Variants in HIP1R observed in about 807,000 individuals in gnomAD.
HIP1R encodes the protein huntingtin-interacting protein 1-related protein.
HIP1R carries 135 observed loss-of-function variants against 144.2 expected under a neutral mutation model. That is an observed-to-expected ratio of 0.94 (90% CI 0.81 to 1.08). The LOEUF (loss-of-function observed/expected upper bound fraction) is 1.08, where lower values mean the gene tolerates loss of function less well. Ranked by LOEUF, HIP1R falls within the 50% of genes least tolerant of loss-of-function variation. The pLI is 0.00. For synonymous variants in HIP1R, 698 were observed against 612.8 expected (o/e 1.14, Z -2.05); for missense variants, 1,462 against 1,432.8 (o/e 1.02, Z -0.33).
intron 23 of HIP1R, 101 bp from the exon 24 acceptor site, chr12:122,859,671 G>A: frequency 7.0e-7 from 1 of 1,436,186 alleles, no homozygotes; most frequent in Non-Finnish European, 9.7e-7. Flanking sequence ...TTTTCCAGGG[G>A]CCTGTGAGGT....
chr12:122,854,836 A>C, intron 8 of HIP1R, 69 bp from the exon 9 acceptor site: 1 of 1,503,838 alleles, frequency 6.6e-7, no homozygotes, highest in East Asian at 2.3e-5. Flanking sequence ...ATACGGAGGA[A>C]CAAGGCAGGG....
rs750364643 is a variant in HIP1R, at chr12:122,860,999, G to T, written c.2850G>T (p.Val950=). The T allele has an allele frequency of 6.2e-7, 1 of 1,613,714 alleles. No homozygotes were observed. Among genetic ancestry groups the T allele is most frequent in the East Asian group, 2.2e-5 (1 of 44,854 alleles). The change falls in exon 29 of 32, where the codon GTG becomes GTT. Residue 950 remains valine (V), a synonymous_variant. Coordinates refer to ENST00000253083, the MANE Select transcript of HIP1R (RefSeq NM_003959.3). The part of the protein sequence containing the change: ...RTVNERAANV[V]ASTKSGQEQI... ...TCAATGAGAGGGCTGCCAATGTGGT[G>T]GCCTCCACCAAGTCAGGCCAGGAGC...
Position 122,860,708 on chromosome 12 carries a change from C to A in HIP1R, c.2690C>A (p.Thr897Lys). Residue 897 changes from threonine (T) to lysine (K), a missense_variant, in exon 28 of 32, where the codon ACG becomes AAG. Thr to Lys is a moderately conservative substitution (Grantham distance 78). Transcript: ENST00000253083. ...GCAGCTGACAAGGTGGTGCTTCACA[C>A]GGGCAAGTATGAGGAGCTCATCGTC... Reference protein sequence around the residue: ...VEAADKVVLHTGKYEELIVCS... With the variant: ...VEAADKVVLHKGKYEELIVCS... 1 of 1,613,370 alleles carries A rather than the reference C, an allele frequency of 6.2e-7. No individual in the cohort carries two copies. Among genetic ancestry groups the A allele is most frequent in the East Asian group, 2.2e-5 (1 of 44,870 alleles).
chr12:122,854,109 C>G lies in HIP1R; in HGVS notation c.644C>G (p.Pro215Arg). The change falls in exon 8 of 32, where the codon CCC (proline) becomes CGC (arginine). Residue 215 changes from proline to arginine, a missense_variant. Pro to Arg is a moderately radical substitution (Grantham distance 103). This residue lies in a region of HIP1R where 350 missense variants were observed against 421.1 expected (regional missense o/e 0.83). Transcript: ENST00000253083. ...TCCTCAGGCCAGTGCCGCCTGGCCC[C>G]CCTCATCCAGGTCATCCAGGACTGC... ...QMSSGQCRLAPLIQVIQDCSH... is the reference protein window; with the variant it reads ...QMSSGQCRLARLIQVIQDCSH... 6.2e-7 allele frequency: 1 copy of G among 1,613,914 alleles called. No individual in the cohort carries two copies. Among genetic ancestry groups the G allele is most frequent in the Non-Finnish European group, 8.5e-7 (1 of 1,179,896 alleles).
At chr12:122,838,801 C>T (rs1490243959) in intron 1 of HIP1R, among the ~76,000 whole-genome samples, 1 of 152,134 alleles carries the variant, frequency 6.6e-6, no homozygotes, top group African/African-American at 2.4e-5. Context: ...GAGAGGAGGT[C>T]GGACTGAGTC....
At position 122,848,948 on chromosome 12, in the gene HIP1R, G is replaced by T. The variant is rs370892888; in HGVS notation, c.357+96G>T. On this transcript the variant is annotated intron_variant, in intron 4 of 31. Transcript: ENST00000253083. ...TGGCTCCCTGTGGGCAGTTCCCTGC[G>T]GGTGGCTGGGTTTTCCCAGGGGCGA... 11 of 1,294,564 alleles carry T rather than the reference G, an allele frequency of 8.5e-6. No individual in the cohort carries two copies. The East Asian group carries it at 2.6e-4, about 30-fold the overall frequency. 80.2% of individuals were successfully genotyped at this position (1,294,564 alleles called of 1,614,324 possible).
chr12:122,861,684 C>A (rs200796411), intron 31 of HIP1R, 22 bp from the exon 32 acceptor site: 24 of 1,613,752 alleles, frequency 1.5e-5, no homozygotes, highest in Admixed American at 1.3e-4. Context: ...GACCACTGAC[C>A]CCCCACCTTT....
rs774816650 is a variant in HIP1R at position 122,849,933 on chromosome 12, C to T, written c.416C>T (p.Thr139Ile). ...AATGTCTACACCAAGCTGCTGCTGA[C>T]CAAGATCTCCTTCCACCTCAAGGTG... ...LVNVYTKLLL[T>I]KISFHLKHPQ... The change falls in exon 5 of 32, where the codon ACC becomes ATC. Residue 139 changes from threonine to isoleucine, a missense_variant. Physicochemically the swap from Thr to Ile is moderately conservative, Grantham distance 89. This residue lies in a region of HIP1R where 350 missense variants were observed against 421.1 expected (regional missense o/e 0.83). Coordinates refer to ENST00000253083, the MANE Select transcript of HIP1R (RefSeq NM_003959.3). The T allele has an allele frequency of 2.9e-5, 47 of 1,613,394 alleles. No homozygotes were observed. The highest frequency in any genetic ancestry group is 2.0e-5 in the Non-Finnish European group (24 of 1,179,788).
At chr12:122,851,142 G>A in intron 6 of HIP1R, 94 bp from the exon 7 acceptor site, 2 of 1,147,132 alleles carry the variant, frequency 1.7e-6, no homozygotes, top group South Asian at 3.2e-5. Flanking sequence ...CATGGTGTCG[G>A]CGGTGCCCCC....
chr12:122,859,402 C>T (rs779780235), intron 22 of HIP1R, 24 bp from the exon 23 acceptor site: 69 of 1,591,180 alleles, frequency 4.3e-5, no homozygotes, highest in Non-Finnish European at 3.2e-5. Flanking sequence ...GAGGCTACCC[C>T]TGTCTGACTC....
Position 122,860,086 on chromosome 12 carries a change from CTG to C in HIP1R, c.2496+12_2496+13del. ...GCACAGACCTGATGAAGGTGAGGGG[CTG>C]TGACCCGGGGGGGTCTGCACCTGGA... On this transcript the variant is annotated intron_variant, in intron 25 of 31. Coordinates refer to ENST00000253083, the MANE Select transcript of HIP1R (RefSeq NM_003959.3). The C allele has an allele frequency of 6.3e-7, 1 of 1,577,574 alleles. No individual in the cohort carries two copies. The highest frequency in any genetic ancestry group is 8.6e-7 in the Non-Finnish European group (1 of 1,162,400).
At chr12:122,848,169 G>T in intron 2 of HIP1R, 75 bp downstream of exon 2, 1 of 1,489,248 alleles carries the variant, frequency 6.7e-7, no homozygotes, top group Admixed American at 1.7e-5. Flanking sequence ...GGTGGCCTGC[G>T]GTCAGCTGTG....
At chr12:122,855,506 C>G in intron 11 of HIP1R, 45 bp from the exon 12 acceptor site, 1 of 1,548,930 alleles carries the variant, frequency 6.5e-7, no homozygotes, top group Non-Finnish European at 8.7e-7. Flanking sequence ...ACTGCCCGGC[C>G]TGGAGGGCAC....
intron 8 of HIP1R, 100 bp downstream of exon 8, chr12:122,854,283 T>C: frequency 9.9e-7 from 1 of 1,010,320 alleles, no homozygotes; most frequent in Non-Finnish European, 1.4e-6. Flanking sequence ...GGTTTATTCA[T>C]TTAAAAATGG....
chr12:122,844,553 T>G (rs1371607347), intron 1 of HIP1R, among the ~76,000 whole-genome samples: 1 of 152,168 alleles, frequency 6.6e-6, no homozygotes, highest in Non-Finnish European at 1.5e-5. Context: ...TGCTGCACAT[T>G]ATCACTGCAT....
chr12:122,858,339 G>A lies in HIP1R; in HGVS notation c.1964-10G>A, dbSNP rs372878396. 7.5e-6 allele frequency: 12 copies of A among 1,605,424 alleles called. No individual in the cohort carries two copies. Among genetic ancestry groups the A allele is most frequent in the Middle Eastern group, 1.7e-4 (1 of 6,026 alleles). On this transcript the variant is annotated splice_polypyrimidine_tract_variant and intron_variant, in intron 19 of 31. Coordinates refer to ENST00000253083, the MANE Select transcript of HIP1R (RefSeq NM_003959.3). ...GGTGGCAGGGGCCTCAGTTCTCCTC[G>A]TGCTTGCAGACTACCTGGTGAGCAG...
intron 23 of HIP1R, 56 bp downstream of exon 23, chr12:122,859,592 G>A: frequency 6.9e-7 from 1 of 1,439,276 alleles, no homozygotes; most frequent in African/African-American, 1.4e-5. Context: ...GGGGCCGGAG[G>A]CCCCAACTGG....
At chr12:122,838,604 A>T (rs533957314) in intron 1 of HIP1R, among the ~76,000 whole-genome samples, 2 of 152,314 alleles carry the variant, frequency 1.3e-5, no homozygotes, top group South Asian at 4.1e-4. Context: ...GGGCTGTTGT[A>T]AGGTGTAAGA....
At chr12:122,859,373 C>T (rs549538214) in intron 22 of HIP1R, 53 bp from the exon 23 acceptor site, 439 of 1,527,144 alleles carry the variant, frequency 2.9e-4, no homozygotes, top group Non-Finnish European at 3.8e-4. Context: ...CCAGGCTGCC[C>T]GTGGGACGGG....
Sources: gnomAD v4.1 joint callset for allele counts (sites outside exome capture counted in the v4.1 genomes callset) on GRCh38, gnomAD v4.1.1 for gene constraint, gnomAD v4.1.1 regional missense constraint, MANE v1.5 for transcripts, NCBI Gene and HGNC (gene_info 2026-07-23, HGNC 2026-07-21) for gene names.